GRIK2: variants seen among roughly 807,000 people sequenced by gnomAD.
The protein encoded by GRIK2 is glutamate ionotropic receptor kainate type subunit 2.
GRIK2 carries 32 observed loss-of-function variants against 100.3 expected under a neutral mutation model. That is an observed-to-expected ratio of 0.32 (90% CI 0.24 to 0.43). The LOEUF is 0.43. Among genes scored for constraint, GRIK2 ranks in the 20% least tolerant of loss-of-function variants. The pLI, the probability that GRIK2 is intolerant of heterozygous loss-of-function variation, is 1.00. For synonymous variants in GRIK2, 417 were observed against 389.4 expected, an observed-to-expected ratio of 1.07 and a Z score of -0.83; for missense variants, 843 against 1,114.9, an observed-to-expected ratio of 0.76 and a Z score of 3.47.
At chr6:101,673,525 C>T (rs1293400192) in intron 4 of GRIK2, among the ~76,000 whole-genome samples, 1 of 152,180 alleles carries the variant, frequency 6.6e-6, no homozygotes, top group African/African-American at 2.4e-5. Context: ...CTGGGCTTGT[C>T]ACTGATTCTT....
At position 101,619,748 on chromosome 6, in the gene GRIK2, T is replaced by A. The variant is rs535200129; in HGVS notation, c.116-2201T>A. Among the ~76,000 whole-genome samples, 35 of 152,212 alleles carry A rather than the reference T, an allele frequency of 2.3e-4. 1 individual carries two copies. The highest frequency in any genetic ancestry group is 1.7e-3 in the Admixed American group (26 of 15,266). ...ATAAGATCTTACATTTTTAGTTACG[T>A]CTTATTAAGTCATCTTATCTCACAT... On this transcript the variant is annotated intron_variant, in intron 2 of 16. Coordinates refer to ENST00000369134, the MANE Select transcript of GRIK2 (RefSeq NM_021956.5).
intron 7 of GRIK2, among the ~76,000 whole-genome samples, chr6:101,774,872 G>A (rs1778646741): frequency 6.6e-6 from 1 of 151,912 alleles, no homozygotes; most frequent in South Asian, 2.1e-4. Context: ...ATATCAGAAA[G>A]AAAAGTTATA....
At chr6:101,663,804 T>A (rs1347481850) in intron 4 of GRIK2, among the ~76,000 whole-genome samples, 1 of 152,180 alleles carries the variant, frequency 6.6e-6, no homozygotes, top group African/African-American at 2.4e-5. Flanking sequence ...TTTGAGGGAA[T>A]CTTCGCAGTC....
chr6:102,040,866 T>C (rs1229879181), intron 15 of GRIK2, among the ~76,000 whole-genome samples: 2 of 151,778 alleles, frequency 1.3e-5, no homozygotes, highest in South Asian at 4.1e-4. Flanking sequence ...CAAAAATTGA[T>C]GCAAATTATT....
intron 7 of GRIK2, among the ~76,000 whole-genome samples, chr6:101,772,433 C>G (rs2128397933): frequency 6.6e-6 from 1 of 152,242 alleles, no homozygotes; most frequent in South Asian, 2.1e-4. Context: ...ACTGAAGATG[C>G]CACTGAGTTA....
chr6:101,629,410 G>A (rs1780607245), intron 4 of GRIK2, among the ~76,000 whole-genome samples: 1 of 151,978 alleles, frequency 6.6e-6, no homozygotes. Flanking sequence ...TACATGCCAG[G>A]GAGAGTTAAA....
chr6:101,704,724 T>G (rs989319283), intron 7 of GRIK2, among the ~76,000 whole-genome samples: 1 of 150,652 alleles, frequency 6.6e-6, no homozygotes, highest in Non-Finnish European at 1.5e-5. Flanking sequence ...GTAAAGGAGG[T>G]TCTTTCCATG....
rs73508686 is a variant in GRIK2 at position 101,649,608 on chromosome 6, C to T, written c.541+22971C>T. Among the ~76,000 whole-genome samples, 1,264 of 152,228 alleles carry T rather than the reference C, an allele frequency of 8.3e-3. 17 individuals are homozygous for T. The highest frequency in any genetic ancestry group is 0.03 in the African/African-American group (1,232 of 41,556). The stretch of plus-strand genomic sequence containing the variant: ...ACATTTAATTTCCTACCTGTATTCT[C>T]ATAAATTAGTCGAACTGAGTCACCT... On this transcript the variant is annotated intron_variant, in intron 4 of 16. Transcript: ENST00000369134.
At chr6:101,712,925 C>T (rs1035933445) in intron 7 of GRIK2, among the ~76,000 whole-genome samples, 6 of 151,898 alleles carry the variant, frequency 4.0e-5, no homozygotes, top group South Asian at 2.1e-4. Context: ...AAAAGTAGAG[C>T]TCTTCAAAAG....
At chr6:101,862,048 T>A (rs1247723896) in intron 11 of GRIK2, among the ~76,000 whole-genome samples, 6 of 152,170 alleles carry the variant, frequency 3.9e-5, no homozygotes, top group African/African-American at 1.4e-4. Flanking sequence ...GAAATTAAGT[T>A]GTAAACAGTT....
At chr6:101,960,639 T>C (rs1388028088) in intron 14 of GRIK2, among the ~76,000 whole-genome samples, 1 of 152,158 alleles carries the variant, frequency 6.6e-6, no homozygotes, top group African/African-American at 2.4e-5. Context: ...ATACAGTTCC[T>C]TTATGTGGTG....
At chr6:101,735,495 T>C (rs1775570932) in intron 7 of GRIK2, among the ~76,000 whole-genome samples, 1 of 152,152 alleles carries the variant, frequency 6.6e-6, no homozygotes, top group Non-Finnish European at 1.5e-5. Flanking sequence ...CTCACAATCA[T>C]GGCAGAAGGC....
chr6:102,050,668 C>T (rs1212717577), intron 15 of GRIK2, among the ~76,000 whole-genome samples: 1 of 107,872 alleles, frequency 9.3e-6, no homozygotes, highest in African/African-American at 3.6e-5. Context: ...AAAAAAAAAA[C>T]GGAATAAGAA....
At chr6:101,737,537 C>T (rs374262417) in intron 7 of GRIK2, among the ~76,000 whole-genome samples, 3 of 151,524 alleles carry the variant, frequency 2.0e-5, no homozygotes, top group Admixed American at 6.6e-5. Context: ...TATTCACTAT[C>T]ACAAGAACAG....
At chr6:101,748,114 G>T (rs1360256009) in intron 7 of GRIK2, among the ~76,000 whole-genome samples, 1 of 152,134 alleles carries the variant, frequency 6.6e-6, no homozygotes, top group East Asian at 1.9e-4. Flanking sequence ...TCTTGGTTGG[G>T]TTAAGTTATA....
At chr6:101,933,556 G>A (rs1340278) in intron 14 of GRIK2, among the ~76,000 whole-genome samples, 5,213 of 151,838 alleles carry the variant, frequency 0.034, 319 homozygotes, top group African/African-American at 0.12. Flanking sequence ...TGTATTCATG[G>A]ATTCCTATTT....
At chr6:101,737,553 G>A (rs904866697) in intron 7 of GRIK2, among the ~76,000 whole-genome samples, 3 of 152,142 alleles carry the variant, frequency 2.0e-5, no homozygotes, top group Non-Finnish European at 4.4e-5. Flanking sequence ...AACAGCAGGA[G>A]AGAGACTCGC....
chr6:101,417,878 A>G (rs1306797438), intron 2 of GRIK2, among the ~76,000 whole-genome samples: 1 of 152,270 alleles, frequency 6.6e-6, no homozygotes, highest in East Asian at 1.9e-4. Flanking sequence ...TATTTGAGAA[A>G]TAAAGTCCTT....
chr6:102,049,983 G>A (rs1771086068), intron 15 of GRIK2, among the ~76,000 whole-genome samples: 1 of 151,922 alleles, frequency 6.6e-6, no homozygotes. Context: ...TTAAAGAAAA[G>A]TTATTTATCA....
Sources: allele counts gnomAD v4.1 joint callset (sites outside exome capture counted in the v4.1 genomes callset), GRCh38; gene constraint gnomAD v4.1.1; transcripts MANE v1.5; gene names NCBI Gene and HGNC (gene_info 2026-07-23, HGNC 2026-07-21).